The following GPR89A variants were observed in gnomAD, a reference collection of about 807,000 sequenced individuals.
GPR89A encodes G protein-coupled receptor 89A.
Under a neutral mutation model 52.0 loss-of-function variants are expected in GPR89A, and 16 were observed. The ratio of observed to expected loss-of-function variants is 0.31; its 90% CI spans 0.21 to 0.47. GPR89A has a LOEUF of 0.47. Ranked by LOEUF, GPR89A falls within the 20% of genes least tolerant of loss-of-function variation. The pLI is 1.00. For missense variants in GPR89A, 135 were observed against 449.4 expected, an observed-to-expected ratio of 0.30 and a Z score of 6.33; for synonymous variants, 55 against 150.9, an observed-to-expected ratio of 0.36 and a Z score of 4.66.
At chr1:145,625,219 TTAACA>T (rs1225761068) in intron 5 of GPR89A, among the ~76,000 whole-genome samples, 10 of 151,604 alleles carry the variant, frequency 6.6e-5, no homozygotes, top group Non-Finnish European at 1.0e-4. Context: ...GCCGGAAAAC[TTAACA>T]TAACACCAGC....
Position 145,608,575 on chromosome 1 carries a change from A to G in GPR89A, c.42+400A>G, listed in dbSNP as rs1438460707. 17 of 556,044 alleles carry G rather than the reference A, an allele frequency of 3.1e-5. No individual in the cohort carries two copies. The East Asian group carries it at 4.6e-4, about 15-fold the overall frequency. The allele number at this position is 556,044 out of a possible 1,614,324, so 34.4% of individuals were successfully genotyped here. A position where few individuals can be genotyped will look rare whatever the true frequency, so the allele number is the denominator to read the frequency against. The stretch of plus-strand genomic sequence containing the variant: ...TGGGCGCGCGGTGTGCGACGCGCCA[A>G]TACTGGATACTGAGGACACGTCAGT... On this transcript the variant is annotated intron_variant, in intron 1 of 13. Coordinates refer to ENST00000313835, the MANE Select transcript of GPR89A (RefSeq NM_001097612.2).
At chr1:145,638,955 T>C (rs1650433589) in intron 7 of GPR89A, among the ~76,000 whole-genome samples, 1 of 149,014 alleles carries the variant, frequency 6.7e-6, no homozygotes, top group Non-Finnish European at 1.5e-5. Flanking sequence ...CAAGACCCCA[T>C]CTTGAAAATC....
At chr1:145,640,624 G>T (rs1195230596) in intron 7 of GPR89A, among the ~76,000 whole-genome samples, 3 of 109,520 alleles carry the variant, frequency 2.7e-5, no homozygotes, top group African/African-American at 1.1e-4. Flanking sequence ...GAACCTGGGA[G>T]GCAGAGGTTG....
intron 11 of GPR89A, among the ~76,000 whole-genome samples, chr1:145,664,111 G>A: frequency 6.7e-6 from 1 of 150,288 alleles, no homozygotes; most frequent in Non-Finnish European, 1.5e-5. Flanking sequence ...CCCAGTGTAG[G>A]CCATTTAGCT....
At chr1:145,657,136 G>A (rs1340180586) in intron 10 of GPR89A, among the ~76,000 whole-genome samples, 1 of 150,444 alleles carries the variant, frequency 6.6e-6, no homozygotes, top group Non-Finnish European at 1.5e-5. Context: ...GCTCACACCT[G>A]TATTCCCAGT....
chr1:145,613,820 T>C (rs1648472782), intron 1 of GPR89A, among the ~76,000 whole-genome samples: 1 of 151,556 alleles, frequency 6.6e-6, no homozygotes, highest in Non-Finnish European at 1.5e-5. Context: ...AGGGTTTCGC[T>C]CTGTCACCCA....
chr1:145,615,055 G>T (rs587749337), intron 1 of GPR89A, among the ~76,000 whole-genome samples: 2 of 152,336 alleles, frequency 1.3e-5, no homozygotes, highest in Admixed American at 6.5e-5. Context: ...AAGAGTAGTT[G>T]TGTCAGTGTG....
At position 145,670,218 on chromosome 1, in the gene GPR89A, A is replaced by G. The variant is rs1319441416; in HGVS notation, c.*178A>G. On this transcript the variant is annotated 3_prime_UTR_variant, in exon 14 of 14. Transcript: ENST00000313835. ...TGATACTATGACCATGAGTAGCATC[A>G]GCCAGAACATGAGAGGGAGAACTAA... 1 of 1,508,786 alleles carries G rather than the reference A, an allele frequency of 6.6e-7. No homozygotes were observed. The highest frequency in any genetic ancestry group is 1.4e-5 in the African/African-American group (1 of 71,868). The allele number at this position is 1,508,786 out of a possible 1,614,324, so 93.5% of individuals were successfully genotyped here.
chr1:145,615,661 T>C (rs1553686839), intron 1 of GPR89A, among the ~76,000 whole-genome samples: 1 of 118,382 alleles, frequency 8.4e-6, no homozygotes, highest in Non-Finnish European at 1.7e-5. Context: ...AGTCTCACTC[T>C]ATCACCCAGG....
chr1:145,659,352 C>G (rs1652030528), intron 10 of GPR89A, among the ~76,000 whole-genome samples: 1 of 151,288 alleles, frequency 6.6e-6, no homozygotes, highest in Non-Finnish European at 1.5e-5. Context: ...TCCCGGCTAA[C>G]TTTTTTGTAT....
chr1:145,660,067 CTGTT>C (rs1652091722), intron 10 of GPR89A, among the ~76,000 whole-genome samples: 1 of 151,960 alleles, frequency 6.6e-6, no homozygotes, highest in East Asian at 1.9e-4. Context: ...ATTTGTCTCT[CTGTT>C]TGTCTGTTAT....
At chr1:145,661,459 TAATAA>T (rs1328904252) in intron 10 of GPR89A, among the ~76,000 whole-genome samples, 63 of 150,196 alleles carry the variant, frequency 4.2e-4, no homozygotes, top group South Asian at 2.8e-3. Context: ...AGTATAATAA[TAATAA>T]AATAAAATAA....
At chr1:145,639,484 C>A (rs1373071395) in intron 7 of GPR89A, among the ~76,000 whole-genome samples, 3 of 151,956 alleles carry the variant, frequency 2.0e-5, no homozygotes, top group Non-Finnish European at 4.4e-5. Flanking sequence ...CAGTGGCTCA[C>A]GTCTGTAATC....
chr1:145,648,521 C>T (rs1255743966), intron 10 of GPR89A, among the ~76,000 whole-genome samples: 5 of 149,686 alleles, frequency 3.3e-5, no homozygotes, highest in Non-Finnish European at 5.9e-5. Context: ...ATTCTGTCAC[C>T]CAAGCTGTAG....
chr1:145,656,932 T>C (rs1651845769), intron 10 of GPR89A, among the ~76,000 whole-genome samples: 1 of 152,066 alleles, frequency 6.6e-6, no homozygotes, highest in South Asian at 2.1e-4. Context: ...TTTTACTGCA[T>C]CTATTGAGAT....
intron 4 of GPR89A, 89 bp from the exon 5 acceptor site, chr1:145,623,524 A>G (rs1301575758): frequency 2.7e-6 from 2 of 727,562 alleles, no homozygotes; most frequent in East Asian, 2.8e-5. Flanking sequence ...GCAGCCAAAT[A>G]TTAGTTAGCA....
Position 145,608,176 on chromosome 1 carries a change from G to A in GPR89A, c.42+1G>A. 6.2e-7 allele frequency: 1 copy of A among 1,613,818 alleles called. No individual in the cohort carries two copies. The highest frequency in any genetic ancestry group is 8.5e-7 in the Non-Finnish European group (1 of 1,179,826). Reference sequence around the variant, plus strand: ...CTCCAGCATCATGATTACCTCCCAGGTGAGTCACCGCCTCCCGCCCCGACA... The same window carrying A: ...CTCCAGCATCATGATTACCTCCCAGATGAGTCACCGCCTCCCGCCCCGACA... On this transcript the variant is annotated splice_donor_variant, in intron 1 of 13. Transcript: ENST00000313835. LOFTEE classifies it high-confidence loss of function.
intron 10 of GPR89A, among the ~76,000 whole-genome samples, chr1:145,660,114 T>G (rs1313804884): frequency 2.6e-5 from 4 of 151,636 alleles, no homozygotes; most frequent in Non-Finnish European, 5.9e-5. Flanking sequence ...TTTTTGTACA[T>G]TGGCACCGAA....
At chr1:145,630,927 C>G in intron 6 of GPR89A, 120 bp downstream of exon 6, 2 of 139,436 alleles carry the variant, frequency 1.4e-5, no homozygotes, top group South Asian at 1.2e-4. Context: ...TTTTATTCTT[C>G]TCTTCCTCTG....
Sources: gnomAD v4.1 joint callset for allele counts (sites outside exome capture counted in the v4.1 genomes callset) on GRCh38, gnomAD v4.1.1 for gene constraint, MANE v1.5 for transcripts, NCBI Gene and HGNC (gene_info 2026-07-23, HGNC 2026-07-21) for gene names.